FAM120C: variants seen among roughly 807,000 people sequenced by gnomAD.
FAM120C encodes constitutive coactivator of PPAR-gamma-like protein 2.
Under a neutral mutation model 71.2 loss-of-function variants are expected in FAM120C, and 14 were observed. The observed-to-expected ratio is 0.20, with a 90% CI of 0.13 to 0.31. The LOEUF (loss-of-function observed/expected upper bound fraction) is 0.31. Among genes scored for constraint, FAM120C ranks in the 10% least tolerant of loss-of-function variants. The probability of loss-of-function intolerance (pLI) is 1.00; values close to 1 mark genes in which losing one functional copy is unlikely to be tolerated. For missense variants in FAM120C, 500 were observed against 879.0 expected, an observed-to-expected ratio of 0.57 and a Z score of 5.45; for synonymous variants, 354 against 353.2, an observed-to-expected ratio of 1.00 and a Z score of -0.03.
chrX:54,132,867 A>T lies in FAM120C; in HGVS notation c.1891-4T>A, dbSNP rs2067075109. 2 of 1,180,174 alleles carry T rather than the reference A, an allele frequency of 1.7e-6. No homozygotes were observed. Among genetic ancestry groups the T allele is most frequent in the Middle Eastern group, 2.4e-4 (1 of 4,205 alleles). ...ATACGGGGATCTTAATTTCACCCTA[A>T]CAAGAGAACATTCCAGGGAAAAGGA... On this transcript the variant is annotated splice_region_variant and splice_polypyrimidine_tract_variant and intron_variant, in intron 8 of 15. Coordinates refer to ENST00000375180, the MANE Select transcript of FAM120C (RefSeq NM_017848.6).
chrX:54,180,217 A>T (rs2067340803), intron 1 of FAM120C, among the ~76,000 whole-genome samples: 1 of 111,769 alleles, frequency 8.9e-6, no homozygotes, highest in Non-Finnish European at 1.9e-5. Context: ...CTCCAATCAA[A>T]ATCTATTCAG....
intron 9 of FAM120C, among the ~76,000 whole-genome samples, chrX:54,118,698 TC>T (rs1463699139): frequency 4.0e-4 from 34 of 84,783 alleles, no homozygotes; most frequent in South Asian, 5.5e-4. Context: ...TTTCTTTTTT[TC>T]TTTTTTTTTT....
At chrX:54,097,928 G>A (rs782240629) in intron 10 of FAM120C, among the ~76,000 whole-genome samples, 2 of 110,599 alleles carry the variant, frequency 1.8e-5, no homozygotes, top group East Asian at 2.8e-4. Context: ...GGGTTTGACC[G>A]TGTTAGCCAG....
chrX:54,134,449 GTTACTAA>G (rs2067084132), intron 7 of FAM120C, among the ~76,000 whole-genome samples: 1 of 112,033 alleles, frequency 8.9e-6, no homozygotes, highest in Admixed American at 9.5e-5. Context: ...CCCTGTCTTA[GTTACTAA>G]GCAATAAAAT....
chrX:54,132,877 A>G lies in FAM120C; in HGVS notation c.1891-14T>C. 1 of 1,168,463 alleles carries G rather than the reference A, an allele frequency of 8.6e-7. No homozygotes were observed. Among genetic ancestry groups the G allele is most frequent in the Admixed American group, 2.6e-5 (1 of 38,463 alleles). On this transcript the variant is annotated splice_polypyrimidine_tract_variant and intron_variant, in intron 8 of 15. Transcript: ENST00000375180. ...CTTAATTTCACCCTAACAAGAGAACATTCCAGGGAAAAGGAAAAAATGAGT... is the reference window on the plus strand; with the variant it reads ...CTTAATTTCACCCTAACAAGAGAACGTTCCAGGGAAAAGGAAAAAATGAGT...
At chrX:54,105,395 G>A (rs1370685868) in intron 10 of FAM120C, among the ~76,000 whole-genome samples, 1 of 111,492 alleles carries the variant, frequency 9.0e-6, no homozygotes, top group Non-Finnish European at 1.9e-5. Context: ...ACTAGGTATT[G>A]ATGGAACGTA....
In FAM120C at chrX:54,151,284, G is replaced by A. The variant is rs2146628418; in HGVS notation, c.1119C>T (p.Asn373=). 1 of 1,208,820 alleles carries A rather than the reference G, an allele frequency of 8.3e-7. No homozygotes were observed. Among genetic ancestry groups the A allele is most frequent in the South Asian group, 1.8e-5 (1 of 56,648 alleles). The stretch of plus-strand genomic sequence containing the variant: ...AAACATCCTTCCCAACTACATCCAG[G>A]TTTGAGGGATCTTTGATGGAACTGA... ...EYVSSIKDPS[N]LDVVGKDVFK... is the part of the protein sequence containing the mutation. The change falls in exon 4 of 16, where the codon AAC becomes AAT. Residue 373 remains asparagine, a synonymous_variant. Coordinates refer to ENST00000375180, the MANE Select transcript of FAM120C (RefSeq NM_017848.6).
intron 3 of FAM120C, among the ~76,000 whole-genome samples, chrX:54,153,759 G>A (rs2067195352): frequency 9.0e-6 from 1 of 110,500 alleles, no homozygotes; most frequent in Non-Finnish European, 1.9e-5. Context: ...GTAGAGATGA[G>A]GTTTCACCAT....
At chrX:54,118,241 C>A (rs782107051) in intron 9 of FAM120C, among the ~76,000 whole-genome samples, 1 of 109,197 alleles carries the variant, frequency 9.2e-6, no homozygotes, top group Admixed American at 9.9e-5. Flanking sequence ...AAAAAAAGAA[C>A]CTGGCATTTT....
chrX:54,071,616 C>A lies in FAM120C; in HGVS notation c.*1417G>T, dbSNP rs1278166783. On this transcript the variant is annotated 3_prime_UTR_variant, in exon 16 of 16. Coordinates refer to ENST00000375180, the MANE Select transcript of FAM120C (RefSeq NM_017848.6). ...CAAATGGTAGTCACCTCCCATCCCC[C>A]CTTTTCTCTCCAAACCTTCATAAGG... The A allele has an allele frequency of 8.9e-6, 1 of 112,039 alleles. No individual in the cohort carries two copies. The highest frequency in any genetic ancestry group is 3.2e-5 in the African/African-American group (1 of 30,837). The allele number at this position is 112,039 out of a possible 1,213,427, so 9.2% of individuals were successfully genotyped here.
At chrX:54,160,222 T>TA (rs1406003848) in intron 1 of FAM120C, among the ~76,000 whole-genome samples, 4 of 111,787 alleles carry the variant, frequency 3.6e-5, no homozygotes, top group Non-Finnish European at 7.5e-5. Context: ...ATGAAAAACT[T>TA]AGACGTAGAA....
intron 2 of FAM120C, among the ~76,000 whole-genome samples, chrX:54,159,154 A>T (rs1181839121): frequency 8.9e-6 from 1 of 111,817 alleles, no homozygotes; most frequent in Non-Finnish European, 1.9e-5. Flanking sequence ...AATGTTCTGG[A>T]ATAACCTGTA....
At chrX:54,155,444 G>T (rs2067204773) in intron 3 of FAM120C, among the ~76,000 whole-genome samples, 1 of 111,642 alleles carries the variant, frequency 9.0e-6, no homozygotes, top group Non-Finnish European at 1.9e-5. Context: ...CTGCTGACTG[G>T]TCAAGTAAAA....
intron 4 of FAM120C, among the ~76,000 whole-genome samples, chrX:54,139,327 G>GC (rs2067111001): frequency 3.3e-5 from 1 of 29,989 alleles, no homozygotes; most frequent in South Asian, 2.3e-3. Flanking sequence ...TTTTTTTTTT[G>GC]CTTTTATTTA....
intron 1 of FAM120C, among the ~76,000 whole-genome samples, chrX:54,181,934 T>C (rs192713770): frequency 8.9e-6 from 1 of 112,507 alleles, no homozygotes; most frequent in East Asian, 2.8e-4. Flanking sequence ...TGGGTTTTTA[T>C]GTGTTTAGGC....
chrX:54,182,992 G>A lies in FAM120C; in HGVS notation c.207C>T (p.Pro69=). Residue 69 remains proline (P), a synonymous_variant, in exon 1 of 16, where the codon CCC becomes CCT. Coordinates refer to ENST00000375180, the MANE Select transcript of FAM120C (RefSeq NM_017848.6). ...CCCCGGAGTAGGCACCCAAGGCAGC[G>A]GGCGGAAGCGGCGGTTGCAGAGGCA... ...GSVPLQPPLP[P]AALGAYSGGA... 1 of 1,160,525 alleles carries A rather than the reference G, an allele frequency of 8.6e-7. No individual in the cohort carries two copies. The highest frequency in any genetic ancestry group is 1.1e-6 in the Non-Finnish European group (1 of 871,869).
At chrX:54,155,419 T>G (rs1358501342) in intron 3 of FAM120C, among the ~76,000 whole-genome samples, 1 of 111,197 alleles carries the variant, frequency 9.0e-6, no homozygotes, top group African/African-American at 3.3e-5. Context: ...AATGGGTGAG[T>G]ATCTGTGTCA....
intron 10 of FAM120C, 87 bp downstream of exon 10, chrX:54,116,458 T>C: frequency 9.5e-7 from 1 of 1,054,091 alleles, no homozygotes; most frequent in South Asian, 2.4e-5. Flanking sequence ...TTTCCCCACC[T>C]TGAAATACCA....
intron 13 of FAM120C, among the ~76,000 whole-genome samples, chrX:54,084,714 CAAAA>C (rs140242950): frequency 9.8e-5 from 9 of 92,282 alleles, no homozygotes; most frequent in Non-Finnish European, 6.4e-5. Context: ...GACCAGGCCT[CAAAA>C]AAAAAAAAAA....
Sources: allele counts gnomAD v4.1 joint callset (sites outside exome capture counted in the v4.1 genomes callset), GRCh38; gene constraint gnomAD v4.1.1; transcripts MANE v1.5; gene names NCBI Gene and HGNC (gene_info 2026-07-23, HGNC 2026-07-21).